SGCZ: variants seen among roughly 807,000 people sequenced by gnomAD.
SGCZ encodes sarcoglycan zeta.
Under a neutral mutation model 41.3 loss-of-function variants are expected in SGCZ, and 40 were observed. The ratio of observed to expected loss-of-function variants is 0.97; its 90% CI spans 0.75 to 1.26. The LOEUF is 1.26. SGCZ is among the 50% of genes most tolerant of loss of function. SGCZ has a pLI of 0.00. For synonymous variants in SGCZ, 206 were observed against 137.5 expected, an observed-to-expected ratio of 1.50 and a Z score of -3.49; for missense variants, 552 against 369.8, an observed-to-expected ratio of 1.49 and a Z score of -4.04.
intron 4 of SGCZ, among the ~76,000 whole-genome samples, chr8:14,194,050 AATAAC>A (rs1805189887): frequency 6.6e-6 from 1 of 151,268 alleles, no homozygotes; most frequent in Admixed American, 6.6e-5. Flanking sequence ...TATTGAAACA[AATAAC>A]ATATATTTCT....
At chr8:14,226,521 C>T (rs1258916965) in intron 4 of SGCZ, among the ~76,000 whole-genome samples, 16 of 152,040 alleles carry the variant, frequency 1.1e-4, no homozygotes, top group Admixed American at 5.9e-4. Flanking sequence ...TTTTACCTAA[C>T]ATAATGTCAA....
intron 1 of SGCZ, among the ~76,000 whole-genome samples, chr8:14,927,105 T>C (rs887952307): frequency 7.6e-6 from 1 of 132,230 alleles, no homozygotes; most frequent in South Asian, 2.7e-4. Flanking sequence ...CCTGATTCTT[T>C]TTTTTTTTTT....
At chr8:14,388,037 G>A (rs1331357855) in intron 2 of SGCZ, among the ~76,000 whole-genome samples, 2 of 152,132 alleles carry the variant, frequency 1.3e-5, no homozygotes, top group African/African-American at 4.8e-5. Context: ...AGGTGACTGT[G>A]CAGTATGGTC....
intron 2 of SGCZ, among the ~76,000 whole-genome samples, chr8:14,455,858 G>T (rs1800728356): frequency 6.6e-6 from 1 of 152,176 alleles, no homozygotes; most frequent in African/African-American, 2.4e-5. Context: ...ACAAAAGAGT[G>T]TTTGCAGTAT....
intron 5 of SGCZ, among the ~76,000 whole-genome samples, chr8:14,112,878 A>C (rs1802416207): frequency 6.6e-6 from 1 of 152,152 alleles, no homozygotes; most frequent in African/African-American, 2.4e-5. Flanking sequence ...ACTCCAGATC[A>C]ACAGAAAATA....
At chr8:14,200,937 T>C (rs893455935) in intron 4 of SGCZ, among the ~76,000 whole-genome samples, 4 of 152,034 alleles carry the variant, frequency 2.6e-5, no homozygotes, top group Non-Finnish European at 4.4e-5. Flanking sequence ...CTTTCAAAAT[T>C]GAATAATTAT....
At chr8:14,747,718 T>TGTGA (rs2130305028) in intron 1 of SGCZ, among the ~76,000 whole-genome samples, 1 of 147,638 alleles carries the variant, frequency 6.8e-6, no homozygotes, top group East Asian at 2.0e-4. Flanking sequence ...TGTGTGTGTG[T>TGTGA]GTGTGTGTGT....
chr8:15,021,762 A>G (rs952478863), intron 1 of SGCZ, among the ~76,000 whole-genome samples: 4 of 152,212 alleles, frequency 2.6e-5, no homozygotes, highest in African/African-American at 9.7e-5. Context: ...TATTCTTTCT[A>G]GCCAAATGGT....
At chr8:14,306,528 T>G (rs530272956) in intron 3 of SGCZ, among the ~76,000 whole-genome samples, 7 of 152,296 alleles carry the variant, frequency 4.6e-5, no homozygotes, top group African/African-American at 1.7e-4. Context: ...AGCAGGAGTA[T>G]TTTGATTCTA....
chr8:14,554,217 C>T (rs1278693493), intron 2 of SGCZ, among the ~76,000 whole-genome samples: 1 of 151,872 alleles, frequency 6.6e-6, no homozygotes, highest in Non-Finnish European at 1.5e-5. Flanking sequence ...CATCTGATGG[C>T]AATTATAGGC....
At chr8:14,567,631 C>G (rs1284202023) in intron 1 of SGCZ, among the ~76,000 whole-genome samples, 1 of 152,094 alleles carries the variant, frequency 6.6e-6, no homozygotes, top group East Asian at 1.9e-4. Flanking sequence ...AGCTGGGGTC[C>G]CCTTCCACAG....
chr8:14,315,785 G>T (rs1201984018), intron 3 of SGCZ, among the ~76,000 whole-genome samples: 2 of 150,736 alleles, frequency 1.3e-5, no homozygotes, highest in African/African-American at 4.9e-5. Flanking sequence ...GCAGAAAAAG[G>T]AATTTAAAAA....
chr8:14,970,840 T>C (rs1801269130), intron 1 of SGCZ, among the ~76,000 whole-genome samples: 1 of 152,172 alleles, frequency 6.6e-6, no homozygotes, highest in Non-Finnish European at 1.5e-5. Context: ...AAAAAGTCAG[T>C]TAATATATTG....
chr8:15,054,940 C>A (rs953860800), intron 1 of SGCZ, among the ~76,000 whole-genome samples: 2 of 141,628 alleles, frequency 1.4e-5, no homozygotes, highest in Non-Finnish European at 1.5e-5. Context: ...CCAGCCTGGG[C>A]AACAGAGCAA....
At chr8:14,964,004 A>T (rs149250354) in intron 1 of SGCZ, among the ~76,000 whole-genome samples, 2,646 of 152,340 alleles carry the variant, frequency 0.017, 36 homozygotes, top group South Asian at 0.041. Context: ...GCGTAAATAA[A>T]ACCCTTCTCC....
chr8:14,837,254 G>C (rs958565714), intron 1 of SGCZ, among the ~76,000 whole-genome samples: 5 of 152,140 alleles, frequency 3.3e-5, no homozygotes, highest in African/African-American at 1.2e-4. Flanking sequence ...AGGCCATTTT[G>C]AATAGGTGAC....
intron 1 of SGCZ, among the ~76,000 whole-genome samples, chr8:14,718,566 G>A (rs184674284): frequency 3.7e-4 from 56 of 152,048 alleles, no homozygotes; most frequent in African/African-American, 1.3e-3. Flanking sequence ...AAACCCAGGA[G>A]ATTTTAGTAA....
intron 3 of SGCZ, among the ~76,000 whole-genome samples, chr8:14,320,111 T>G (rs1174972358): frequency 6.6e-6 from 1 of 151,966 alleles, no homozygotes; most frequent in African/African-American, 2.4e-5. Context: ...TAACAGTATT[T>G]TTTTTTCTGA....
chr8:14,528,173 G>C (rs1485315153), intron 2 of SGCZ, among the ~76,000 whole-genome samples: 1 of 151,974 alleles, frequency 6.6e-6, no homozygotes, highest in East Asian at 1.9e-4. Context: ...TAAAAAAATA[G>C]ATTGATACCA....
Sources: allele counts gnomAD v4.1 joint callset (sites outside exome capture counted in the v4.1 genomes callset), GRCh38; gene constraint gnomAD v4.1.1; transcripts MANE v1.5; gene names NCBI Gene and HGNC (gene_info 2026-07-23, HGNC 2026-07-21).